The following SDK2 variants were observed in gnomAD, a reference collection of about 807,000 sequenced individuals.
SDK2 encodes the protein protein sidekick-2.
In SDK2, 105 loss-of-function variants were observed where a neutral mutation model predicts 253.9. That is an observed-to-expected ratio of 0.41 (90% CI 0.35 to 0.49). SDK2 has a LOEUF of 0.49. SDK2 is among the 20% of genes least tolerant of loss of function. SDK2 has a pLI of 0.06. For missense variants in SDK2, 2,608 were observed against 3,003.0 expected (o/e 0.87, Z 3.07); for synonymous variants, 1,249 against 1,234.9 (o/e 1.01, Z -0.24).
rs115502230 is a variant in SDK2 at position 73,387,859 on chromosome 17, A to G, written c.4371T>C (p.Asn1457=). The part of the protein sequence containing the change: ...WALHSASVSH[N]ASSFIVDRLK... ...ACCTGTCCACAATGAAGCTGGAGGCATTGTGGCTCACGGAGGCCGAGTGCA... is the reference window on the plus strand; with the variant it reads ...ACCTGTCCACAATGAAGCTGGAGGCGTTGTGGCTCACGGAGGCCGAGTGCA... Residue 1457 remains asparagine, a synonymous_variant, in exon 30 of 45, where the codon AAT becomes AAC. Coordinates refer to ENST00000392650, the MANE Select transcript of SDK2 (RefSeq NM_001144952.2). 4.1e-3 allele frequency: 6,497 copies of G among 1,585,894 alleles called. 181 individuals carry two copies. In the East Asian group the frequency reaches 0.079, roughly 19 times the overall value.
chr17:73,622,007 C>G (rs137869698), intron 1 of SDK2, among the ~76,000 whole-genome samples: 1 of 152,194 alleles, frequency 6.6e-6, no homozygotes, highest in African/African-American at 2.4e-5. Flanking sequence ...AAAGTGGGGA[C>G]AAGAGGATAT....
intron 1 of SDK2, chr17:73,521,223 T>C (rs1356437067): frequency 1.3e-5 from 2 of 151,660 alleles, no homozygotes; most frequent in Non-Finnish European, 2.9e-5. Flanking sequence ...GTATTTTTAG[T>C]AGAGATGAGG....
intron 1 of SDK2, among the ~76,000 whole-genome samples, chr17:73,597,260 C>T (rs958944212): frequency 7.2e-5 from 11 of 152,176 alleles, no homozygotes; most frequent in Admixed American, 2.6e-4. Flanking sequence ...TGACACAAGA[C>T]GGGGAGCTGC....
At chr17:73,628,097 C>A (rs1036059899) in intron 1 of SDK2, among the ~76,000 whole-genome samples, 2 of 152,238 alleles carry the variant, frequency 1.3e-5, no homozygotes, top group African/African-American at 4.8e-5. Context: ...CCACATTTAA[C>A]AGATGAGGAA....
Position 73,352,361 on chromosome 17 carries a change from C to T in SDK2, c.5758+112G>A. On this transcript the variant is annotated intron_variant, in intron 41 of 44. Transcript: ENST00000392650. The surrounding 1 kb of genome is among the most constrained non-coding windows in gnomAD (Gnocchi z 4.1). ...CCCGAGGGGACAATGTGTTTTTGTT[C>T]CCGCCCCATGCTCCTGGTGCCCTGG... is the stretch of plus-strand genomic sequence containing the variant. The T allele has an allele frequency of 7.5e-7, 1 of 1,340,754 alleles. No homozygotes were observed. The highest frequency in any genetic ancestry group is 2.5e-5 in the East Asian group (1 of 39,776). 83.1% of individuals were successfully genotyped at this position (1,340,754 alleles called of 1,614,324 possible).
At chr17:73,421,447 C>A (rs561079081) in intron 15 of SDK2, among the ~76,000 whole-genome samples, 1 of 152,164 alleles carries the variant, frequency 6.6e-6, no homozygotes, top group Admixed American at 6.5e-5. Flanking sequence ...CCCATGACAT[C>A]TTTCTTGCTA....
intron 1 of SDK2, among the ~76,000 whole-genome samples, chr17:73,624,804 T>C (rs2046180748): frequency 6.6e-6 from 1 of 152,118 alleles, no homozygotes. Context: ...GCAACTATAA[T>C]AAGGGTGGCC....
rs1409647931 is a variant in SDK2, at chr17:73,410,477, CT to C, written c.2484+4166del. Among the ~76,000 whole-genome samples, 54 of 152,094 alleles carry C rather than the reference CT, an allele frequency of 3.6e-4. 1 individual carries two copies. The highest frequency in any genetic ancestry group is 3.4e-3 in the Admixed American group (52 of 15,266). ...GGATTAGAGATGTGTGTCACCACAC[CT>C]GGCTAATTTTTGTATTTTCAGTAGA... On this transcript the variant is annotated intron_variant, in intron 18 of 44. Coordinates refer to ENST00000392650, the MANE Select transcript of SDK2 (RefSeq NM_001144952.2).
intron 1 of SDK2, among the ~76,000 whole-genome samples, chr17:73,538,071 GAGAC>G (rs1303916113): frequency 6.6e-6 from 1 of 152,120 alleles, no homozygotes; most frequent in Non-Finnish European, 1.5e-5. Context: ...TGGTACCTGG[GAGAC>G]AGACTTCTGA....
intron 21 of SDK2, among the ~76,000 whole-genome samples, chr17:73,400,321 C>T (rs2063011712): frequency 6.6e-6 from 1 of 152,260 alleles, no homozygotes; most frequent in Non-Finnish European, 1.5e-5. Flanking sequence ...GCTCTGCCAC[C>T]TCCCAACCAA....
In SDK2 at chr17:73,361,465, A is replaced by C. The variant is rs1465106849; in HGVS notation, c.5467+219T>G. ...GTGGGAGAGGAGGGGGCGCTGCTCCAGGGTTTGTGGCTTGAGGAACCTGAG... is the reference window on the plus strand; with the variant it reads ...GTGGGAGAGGAGGGGGCGCTGCTCCCGGGTTTGTGGCTTGAGGAACCTGAG... On this transcript the variant is annotated intron_variant, in intron 39 of 44. Coordinates refer to ENST00000392650, the MANE Select transcript of SDK2 (RefSeq NM_001144952.2). This position sits in a 1 kb window ranked among gnomAD's most constrained non-coding sequence, Gnocchi z 4.1. Among the ~76,000 whole-genome samples the C allele has an allele frequency of 6.6e-6, 1 of 152,040 alleles. No individual in the cohort carries two copies. The highest frequency in any genetic ancestry group is 1.5e-5 in the Non-Finnish European group (1 of 67,990).
At chr17:73,415,663 A>G (rs2063174277) in intron 17 of SDK2, 148 bp downstream of exon 17, 1 of 662,456 alleles carries the variant, frequency 1.5e-6, no homozygotes, top group Non-Finnish European at 2.5e-6. Flanking sequence ...AATTTTTTTC[A>G]CTTTTTGTAG....
chr17:73,517,560 C>T (rs930096060), intron 1 of SDK2: 2 of 152,162 alleles, frequency 1.3e-5, no homozygotes, highest in African/African-American at 2.4e-5. Context: ...CGGAGTCTCC[C>T]GTTGAGCCTG....
At position 73,336,406 on chromosome 17, in the gene SDK2, T is replaced by C. The variant is rs1442349167; in HGVS notation, c.*2181A>G. The C allele has an allele frequency of 1.3e-5, 2 of 152,260 alleles. No homozygotes were observed. The highest frequency in any genetic ancestry group is 4.8e-5 in the African/African-American group (2 of 41,438). 9.4% of individuals were successfully genotyped at this position (152,260 alleles called of 1,614,324 possible). On this transcript the variant is annotated 3_prime_UTR_variant, in exon 45 of 45. Coordinates refer to ENST00000392650, the MANE Select transcript of SDK2 (RefSeq NM_001144952.2). Reference sequence around the variant, plus strand: ...TCCTGGAGGGGCAGAACCTCAGCCCTTGGTTCTCCTTTGGGGAAGATTGTG... The same window carrying C: ...TCCTGGAGGGGCAGAACCTCAGCCCCTGGTTCTCCTTTGGGGAAGATTGTG...
At position 73,336,797 on chromosome 17, in the gene SDK2, T is replaced by A. The variant is rs1210025311; in HGVS notation, c.*1790A>T. On this transcript the variant is annotated 3_prime_UTR_variant, in exon 45 of 45. Coordinates refer to ENST00000392650, the MANE Select transcript of SDK2 (RefSeq NM_001144952.2). ...TGTACACAGTGCACAGAGGGAGCCCTGCTCCACGAAGGGGCTCACGCTGAA... is the reference window on the plus strand; with the variant it reads ...TGTACACAGTGCACAGAGGGAGCCCAGCTCCACGAAGGGGCTCACGCTGAA... 6.5e-6 allele frequency: 1 copy of A among 152,692 alleles called. No homozygotes were observed. Among genetic ancestry groups the A allele is most frequent in the African/African-American group, 2.4e-5 (1 of 41,446 alleles). 9.5% of individuals were successfully genotyped at this position (152,692 alleles called of 1,614,324 possible). A position where few individuals can be genotyped will look rare whatever the true frequency, so the allele number is the denominator to read the frequency against.
At chr17:73,580,215 C>A (rs750163460) in intron 1 of SDK2, among the ~76,000 whole-genome samples, 12 of 152,212 alleles carry the variant, frequency 7.9e-5, no homozygotes, top group Admixed American at 2.6e-4. Context: ...AGTGGGTTCT[C>A]CTTTCTGTTA....
intron 18 of SDK2, among the ~76,000 whole-genome samples, chr17:73,413,176 C>T (rs895436693): frequency 6.6e-6 from 1 of 152,042 alleles, no homozygotes; most frequent in Admixed American, 6.6e-5. Flanking sequence ...CACCTCCCAT[C>T]AGTGGCAGCA....
rs1267661574 is a variant in SDK2, at chr17:73,507,535, G to A, written c.127C>T (p.Arg43Cys). ...VRTQVHLEGN[R>C]LVLTCMAEGS... is the part of the protein sequence containing the mutation. ...TCGGCCATGCATGTAAGCACCAGGC[G>A]GTTTCCTTCCAAGTGCACCTGTGTC... The change falls in exon 2 of 45, where the codon CGC becomes TGC. Residue 43 changes from arginine (R) to cysteine (C), a missense_variant. Coordinates refer to ENST00000392650, the MANE Select transcript of SDK2 (RefSeq NM_001144952.2). 5.8e-6 allele frequency: 9 copies of A among 1,551,542 alleles called. No homozygotes were observed. The highest frequency in any genetic ancestry group is 2.0e-5 in the Admixed American group (1 of 50,982).
chr17:73,559,790 A>G (rs2045203983), intron 1 of SDK2, among the ~76,000 whole-genome samples: 1 of 152,132 alleles, frequency 6.6e-6, no homozygotes, highest in Non-Finnish European at 1.5e-5. Flanking sequence ...TGTGCTCCCG[A>G]ATCATAATGC....
Sources: gnomAD v4.1 joint callset for allele counts (sites outside exome capture counted in the v4.1 genomes callset) on GRCh38, gnomAD v4.1.1 for gene constraint, Gnocchi (gnomAD v3.1) non-coding constraint, MANE v1.5 for transcripts, NCBI Gene and HGNC (gene_info 2026-07-23, HGNC 2026-07-21) for gene names.